LRRCC1: variants seen among roughly 807,000 people sequenced by gnomAD.
The protein encoded by LRRCC1 is leucine-rich repeat and coiled-coil domain-containing protein 1.
In LRRCC1, 115 loss-of-function variants were observed where a neutral mutation model predicts 126.0. The ratio of observed to expected loss-of-function variants is 0.91; its 90% CI spans 0.78 to 1.07. The LOEUF (loss-of-function observed/expected upper bound fraction) is 1.07, where lower values mean the gene tolerates loss of function less well. Ranked by LOEUF, LRRCC1 falls within the 50% of genes least tolerant of loss-of-function variation. The pLI, the probability that LRRCC1 is intolerant of heterozygous loss-of-function variation, is 0.00. For missense variants in LRRCC1, 1,172 were observed against 1,175.7 expected (o/e 1.00, Z 0.05); for synonymous variants, 400 against 393.4 (o/e 1.02, Z -0.20).
intron 6 of LRRCC1, among the ~76,000 whole-genome samples, chr8:85,119,279 T>C (rs1809342466): frequency 1.3e-5 from 2 of 152,158 alleles, no homozygotes; most frequent in Admixed American, 6.5e-5. Flanking sequence ...ATAGGATCTA[T>C]AATGAAAATC....
intron 10 of LRRCC1, 31 bp from the exon 11 acceptor site, chr8:85,129,888 T>G (rs774429771): frequency 6.8e-7 from 1 of 1,472,516 alleles, no homozygotes; most frequent in African/African-American, 1.5e-5. Context: ...GACTATTATC[T>G]AAATAATGTA....
chr8:85,123,226 A>G (rs748750886), intron 6 of LRRCC1, among the ~76,000 whole-genome samples, 187 bp from the exon 7 acceptor site: 1 of 152,196 alleles, frequency 6.6e-6, no homozygotes, highest in Non-Finnish European at 1.5e-5. Flanking sequence ...AATTATCTGC[A>G]GGAAAGTCAA....
rs761737656 is a variant in LRRCC1 at position 85,115,501 on chromosome 8, G to A, written c.847G>A (p.Glu283Lys). ...FMSVCQSSEP[E>K]KNNHENDLQN... ...GTCTGTGTGTCAATCTTCTGAGCCA[G>A]AGAAAAATAATCATGAAAACGATTT... The change falls in exon 6 of 19, where the codon GAG becomes AAG. Residue 283 changes from glutamate to lysine, a missense_variant. Transcript: ENST00000360375. The A allele has an allele frequency of 3.0e-5, 49 of 1,613,616 alleles. No homozygotes were observed. In the East Asian group the frequency reaches 1.1e-3, roughly 36 times the overall value.
intron 11 of LRRCC1, among the ~76,000 whole-genome samples, chr8:85,131,440 C>G (rs1437531394): frequency 6.6e-6 from 1 of 152,184 alleles, no homozygotes; most frequent in Non-Finnish European, 1.5e-5. Flanking sequence ...AAGTCAAAGA[C>G]TCGGCCAAAG....
intron 3 of LRRCC1, among the ~76,000 whole-genome samples, chr8:85,110,950 A>C (rs983801318): frequency 6.6e-6 from 1 of 152,206 alleles, no homozygotes; most frequent in Non-Finnish European, 1.5e-5. Flanking sequence ...CCCCACTAAA[A>C]GAACACTACC....
In LRRCC1 at chr8:85,129,374, G is replaced by A. The variant is rs965269249; in HGVS notation, c.1621G>A (p.Ala541Thr). 1.2e-6 allele frequency: 2 copies of A among 1,605,080 alleles called. No individual in the cohort carries two copies. Among genetic ancestry groups the A allele is most frequent in the African/African-American group, 1.3e-5 (1 of 74,194 alleles). ...GAGACAAAAAAGGCAGCAGCAGGCA[G>A]CACAGGTATTTCTCTATTTTAATAT... ...MERQKRQQQA[A>T]QIRLIQEVEL... The change falls in exon 10 of 19, where the codon GCA becomes ACA. Residue 541 changes from alanine to threonine, a missense_variant. Transcript: ENST00000360375.
chr8:85,141,962 T>C (rs1811281864), intron 18 of LRRCC1, among the ~76,000 whole-genome samples: 1 of 152,140 alleles, frequency 6.6e-6, no homozygotes, highest in Non-Finnish European at 1.5e-5. Flanking sequence ...TAATGCTAAA[T>C]CAGAGGGAAA....
In LRRCC1 at chr8:85,132,756, T is replaced by G. The variant is rs1181480787; in HGVS notation, c.1968+795T>G. On this transcript the variant is annotated intron_variant, in intron 12 of 18. Coordinates refer to ENST00000360375, the MANE Select transcript of LRRCC1 (RefSeq NM_033402.5). ...CTGTATAGCCTAACAGTTTACTGTC[T>G]GGTACTTTCTAGAAAAAGTTTGGTA... Among the ~76,000 whole-genome samples the G allele has an allele frequency of 2.0e-5, 3 of 152,310 alleles. No homozygotes were observed. In the East Asian group the frequency reaches 5.8e-4, roughly 29 times the overall value.
At position 85,109,697 on chromosome 8, in the gene LRRCC1, T is replaced by A. The variant is rs16913589; in HGVS notation, c.207T>A (p.His69Gln). ...TTGATCATATTTGGAATTTACAACA[T>A]CTAGATCTGTCATCTAATCAAATAA... is the stretch of plus-strand genomic sequence containing the variant. Reference protein sequence around the residue: ...EAIDHIWNLQHLDLSSNQISR... With the variant: ...EAIDHIWNLQQLDLSSNQISR... Residue 69 changes from histidine (H) to glutamine (Q), a missense_variant, in exon 2 of 19, where the codon CAT becomes CAA. By Grantham distance (24) the His-to-Gln change is conservative (BLOSUM62 0). Transcript: ENST00000360375. 68,296 of 1,602,330 alleles carry A rather than the reference T, an allele frequency of 0.043. 1,627 individuals are homozygous for A. Among genetic ancestry groups the A allele is most frequent in the Non-Finnish European group, 0.049 (57,536 of 1,169,596 alleles).
In LRRCC1 at chr8:85,122,156, T is replaced by C. The variant is rs182548340; in HGVS notation, c.931-1257T>C. 8.1e-4 allele frequency among the ~76,000 whole-genome samples: 124 copies of C among 152,354 alleles called. 1 individual carries two copies. The highest frequency in any genetic ancestry group is 3.4e-3 in the Middle Eastern group (1 of 294). ...AAAATCCTTGATTTCTTGTATGTAA[T>C]ATGCCATTTTTCTTTGGCTACTGTC... On this transcript the variant is annotated intron_variant, in intron 6 of 18. Transcript: ENST00000360375.
intron 3 of LRRCC1, among the ~76,000 whole-genome samples, chr8:85,112,642 C>G (rs971401063): frequency 3.3e-5 from 5 of 152,206 alleles, no homozygotes; most frequent in Non-Finnish European, 7.3e-5. Context: ...TCCTTTTTCT[C>G]ATATGAGTGT....
At chr8:85,141,280 C>T in intron 17 of LRRCC1, 102 bp from the exon 18 acceptor site, 2 of 820,734 alleles carry the variant, frequency 2.4e-6, no homozygotes, top group Admixed American at 2.7e-5. Context: ...AGTTATGTTT[C>T]CATTAGTATG....
At chr8:85,139,066 T>C (rs567267571) in intron 17 of LRRCC1, among the ~76,000 whole-genome samples, 1 of 152,130 alleles carries the variant, frequency 6.6e-6, no homozygotes, top group African/African-American at 2.4e-5. Context: ...AAAAAAAGAA[T>C]TGCTATATGA....
At chr8:85,131,576 A>G (rs1447021236) in intron 11 of LRRCC1, among the ~76,000 whole-genome samples, 184 bp from the exon 12 acceptor site, 2 of 152,220 alleles carry the variant, frequency 1.3e-5, no homozygotes, top group Non-Finnish European at 2.9e-5. Context: ...ACTATTAAAT[A>G]CACAATCAAA....
intron 6 of LRRCC1, among the ~76,000 whole-genome samples, chr8:85,121,633 G>A (rs1391708003): frequency 6.6e-6 from 1 of 152,070 alleles, no homozygotes. Context: ...TAGAGATGGG[G>A]TTTCTCCATG....
intron 11 of LRRCC1, among the ~76,000 whole-genome samples, chr8:85,130,318 A>AT (rs1810371872): frequency 6.9e-6 from 1 of 144,042 alleles, no homozygotes; most frequent in Admixed American, 6.9e-5. Flanking sequence ...TTTTTTTTGT[A>AT]TTTTTAGTAG....
intron 13 of LRRCC1, among the ~76,000 whole-genome samples, chr8:85,135,241 ATTAG>A (rs1196238422): frequency 6.6e-6 from 1 of 152,190 alleles, no homozygotes; most frequent in Non-Finnish European, 1.5e-5. Context: ...AAATAAGTAA[ATTAG>A]TTTTAAGAAA....
chr8:85,123,728 C>A, intron 7 of LRRCC1, 122 bp downstream of exon 7: 2 of 705,486 alleles, frequency 2.8e-6, no homozygotes, highest in Non-Finnish European at 4.5e-6. Context: ...ATTTTTCAGC[C>A]TTGCAGGTTC....
intron 6 of LRRCC1, among the ~76,000 whole-genome samples, chr8:85,123,211 T>C (rs1809703250): frequency 6.6e-6 from 1 of 152,164 alleles, no homozygotes. Flanking sequence ...TTTTCCAGAG[T>C]TTATAATTAT....
Sources: allele counts gnomAD v4.1 joint callset (sites outside exome capture counted in the v4.1 genomes callset), GRCh38; gene constraint gnomAD v4.1.1; transcripts MANE v1.5; gene names NCBI Gene and HGNC (gene_info 2026-07-23, HGNC 2026-07-21).